SDHAF4: variants seen among roughly 807,000 people sequenced by gnomAD.
The protein encoded by SDHAF4 is succinate dehydrogenase complex assembly factor 4.
SDHAF4 carries 14 observed loss-of-function variants against 14.3 expected under a neutral mutation model. The ratio of observed to expected loss-of-function variants is 0.98; its 90% CI spans 0.65 to 1.53. The LOEUF is 1.53. Ranked by LOEUF, SDHAF4 falls within the 40% of genes most tolerant of loss-of-function variation. The pLI is 0.00. For missense variants in SDHAF4, 141 were observed against 129.3 expected, an observed-to-expected ratio of 1.09 and a Z score of -0.44; for synonymous variants, 63 against 47.3, an observed-to-expected ratio of 1.33 and a Z score of -1.36.
At chr6:70,584,357 A>C (rs1019716747) in intron 2 of SDHAF4, among the ~76,000 whole-genome samples, 3 of 152,196 alleles carry the variant, frequency 2.0e-5, no homozygotes, top group Non-Finnish European at 4.4e-5. Flanking sequence ...AACCACACAA[A>C]GTGTAAAATA....
intron 2 of SDHAF4, among the ~76,000 whole-genome samples, chr6:70,586,874 T>G (rs1388955971): frequency 6.6e-6 from 1 of 152,030 alleles, no homozygotes; most frequent in African/African-American, 2.4e-5. Flanking sequence ...AGTTTAAGAA[T>G]TAGGGGCCAG....
chr6:70,576,042 G>A (rs941849462), intron 1 of SDHAF4, among the ~76,000 whole-genome samples: 2 of 152,182 alleles, frequency 1.3e-5, no homozygotes, highest in African/African-American at 4.8e-5. Flanking sequence ...AACAGGAGTG[G>A]TCCTTGGGCT....
Position 70,588,698 on chromosome 6 carries a change from C to A in SDHAF4, c.301C>A (p.Arg101=). Reference sequence around the variant, plus strand: ...ACCTACCCGATATGGAGATTGGGAACGAAAAGGACGCTGTATTGATTTTTA... The same window carrying A: ...ACCTACCCGATATGGAGATTGGGAAAGAAAAGGACGCTGTATTGATTTTTA... ...PEPTRYGDWE[R]KGRCIDF is the part of the protein sequence containing the mutation. The change falls in exon 3 of 3, where the codon CGA becomes AGA. Residue 101 remains arginine (R), a synonymous_variant. Coordinates refer to ENST00000370474, the MANE Select transcript of SDHAF4 (RefSeq NM_145267.3). The A allele has an allele frequency of 6.2e-7, 1 of 1,604,582 alleles. No homozygotes were observed. Among genetic ancestry groups the A allele is most frequent in the Non-Finnish European group, 8.5e-7 (1 of 1,173,566 alleles).
downstream of SDHAF4, among the ~76,000 whole-genome samples, chr6:70,592,765 A>C (rs1765269493): frequency 6.6e-6 from 1 of 152,246 alleles, no homozygotes; most frequent in African/African-American, 2.4e-5. Flanking sequence ...AAGCAGAAAG[A>C]TTTGGGAAAT....
chr6:70,588,842 A>AATATATAGATATATATATAT lies in SDHAF4; in HGVS notation c.*125_*126insGATATATATATATATATATA. On this transcript the variant is annotated 3_prime_UTR_variant, in exon 3 of 3. Coordinates refer to ENST00000370474, the MANE Select transcript of SDHAF4 (RefSeq NM_145267.3). ...TCGTGTAGTTTGTATAATGTGTTTA[A>AATATATAGATATATATATAT]ATATATATATATATGATGGCTTTGG... 1 of 339,216 alleles carries AATATATAGATATATATATAT rather than the reference A, an allele frequency of 2.9e-6. No individual in the cohort carries two copies. 21.0% of individuals were successfully genotyped at this position (339,216 alleles called of 1,614,324 possible).
At chr6:70,582,388 A>G (rs576370302) in intron 2 of SDHAF4, among the ~76,000 whole-genome samples, 4 of 152,212 alleles carry the variant, frequency 2.6e-5, no homozygotes, top group East Asian at 1.9e-4. Flanking sequence ...AATATCACCT[A>G]TGTGTTGGTG....
In SDHAF4 at chr6:70,575,138, G is replaced by A. The variant is rs567632230; in HGVS notation, c.65-4276G>A. Among the ~76,000 whole-genome samples, 14 of 152,334 alleles carry A rather than the reference G, an allele frequency of 9.2e-5. No homozygotes were observed. The South Asian group carries it at 2.9e-3, about 32-fold the overall frequency. Reference sequence around the variant, plus strand: ...TATGCCTGTAATCGCAATACTTTGGGAGACCAAAGCAGGCAGATCACTTGA... The same window carrying A: ...TATGCCTGTAATCGCAATACTTTGGAAGACCAAAGCAGGCAGATCACTTGA... On this transcript the variant is annotated intron_variant, in intron 1 of 2. Coordinates refer to ENST00000370474, the MANE Select transcript of SDHAF4 (RefSeq NM_145267.3).
At chr6:70,577,939 T>C (rs1392283956) in intron 1 of SDHAF4, among the ~76,000 whole-genome samples, 2 of 152,226 alleles carry the variant, frequency 1.3e-5, no homozygotes, top group African/African-American at 2.4e-5. Flanking sequence ...CCATGGTATA[T>C]ATGTACCACA....
downstream of SDHAF4, among the ~76,000 whole-genome samples, chr6:70,592,400 G>A (rs1232477591): frequency 1.3e-5 from 2 of 152,186 alleles, no homozygotes; most frequent in Admixed American, 6.5e-5. Flanking sequence ...TTAAGTGGTC[G>A]TGACCAGAAT....
chr6:70,576,098 A>C (rs561279712), intron 1 of SDHAF4, among the ~76,000 whole-genome samples: 1 of 152,282 alleles, frequency 6.6e-6, no homozygotes, highest in Admixed American at 6.5e-5. Flanking sequence ...TCTGCCTTTG[A>C]AGCTACTTGT....
intron 2 of SDHAF4, among the ~76,000 whole-genome samples, chr6:70,581,576 TTTGTGTGTGTATGTA>T (rs1424048123): frequency 6.6e-6 from 1 of 152,140 alleles, no homozygotes; most frequent in Admixed American, 6.5e-5. Context: ...TAGTTTCATT[TTTGTGTGTGTATGTA>T]TGTGTGTGTG....
intron 1 of SDHAF4, among the ~76,000 whole-genome samples, chr6:70,574,670 T>G (rs980696922): frequency 3.3e-5 from 5 of 152,072 alleles, no homozygotes; most frequent in Admixed American, 2.6e-4. Context: ...GTGCGGTGGC[T>G]CACACCCATA....
the SDHAF4 span, among the ~76,000 whole-genome samples, chr6:70,595,082 C>T: frequency 6.6e-6 from 1 of 151,964 alleles, no homozygotes; most frequent in Non-Finnish European, 1.5e-5. Context: ...TACCCTGTGG[C>T]ATTTTGATAA....
chr6:70,576,101 C>T (rs1802252159), intron 1 of SDHAF4, among the ~76,000 whole-genome samples: 1 of 152,176 alleles, frequency 6.6e-6, no homozygotes, highest in Non-Finnish European at 1.5e-5. Flanking sequence ...GCCTTTGAAG[C>T]TACTTGTATG....
At chr6:70,590,242 A>G (rs926199081), downstream of SDHAF4, among the ~76,000 whole-genome samples, 2 of 152,164 alleles carry the variant, frequency 1.3e-5, no homozygotes, top group Non-Finnish European at 2.9e-5. Flanking sequence ...TGTCTCAAAA[A>G]AAAAAATAAA....
At chr6:70,579,961 T>A (rs557767546) in intron 2 of SDHAF4, among the ~76,000 whole-genome samples, 1 of 152,056 alleles carries the variant, frequency 6.6e-6, no homozygotes, top group African/African-American at 2.4e-5. Context: ...TGTACACATA[T>A]TATATATAAA....
intron 2 of SDHAF4, among the ~76,000 whole-genome samples, chr6:70,580,583 C>A (rs755344465): frequency 2.0e-5 from 3 of 152,116 alleles, no homozygotes; most frequent in African/African-American, 7.2e-5. Flanking sequence ...CCAATGTTCA[C>A]AAACAAATGA....
At chr6:70,581,309 A>C (rs1157098169) in intron 2 of SDHAF4, among the ~76,000 whole-genome samples, 2 of 141,494 alleles carry the variant, frequency 1.4e-5, no homozygotes, top group Non-Finnish European at 3.1e-5. Context: ...ATTTTACCAC[A>C]GTAAAAAAAA....
chr6:70,579,868 T>A (rs1802299066), intron 2 of SDHAF4, among the ~76,000 whole-genome samples: 2 of 148,472 alleles, frequency 1.3e-5, no homozygotes, highest in Non-Finnish European at 3.0e-5. Context: ...ATGTTATTTG[T>A]ATCAAAGAAG....
Sources: gnomAD v4.1 joint callset for allele counts (sites outside exome capture counted in the v4.1 genomes callset) on GRCh38, gnomAD v4.1.1 for gene constraint, MANE v1.5 for transcripts, NCBI Gene and HGNC (gene_info 2026-07-23, HGNC 2026-07-21) for gene names.